INPP4B: variants seen among roughly 807,000 people sequenced by gnomAD.
INPP4B encodes the protein inositol polyphosphate-4-phosphatase type II B.
INPP4B carries 55 observed loss-of-function variants against 122.5 expected under a neutral mutation model. The ratio of observed to expected loss-of-function variants is 0.45; its 90% CI spans 0.36 to 0.56. The LOEUF is 0.56. Among genes scored for constraint, INPP4B ranks in the 20% least tolerant of loss-of-function variants. INPP4B has a pLI of 0.00. For missense variants in INPP4B, 1,000 were observed against 1,097.7 expected (o/e 0.91, Z 1.26); for synonymous variants, 403 against 388.7 (o/e 1.04, Z -0.43).
chr4:142,455,717 G>C (rs1173802668), intron 3 of INPP4B, among the ~76,000 whole-genome samples: 1 of 151,894 alleles, frequency 6.6e-6, no homozygotes, highest in Non-Finnish European at 1.5e-5. Flanking sequence ...TTAGTCTTTT[G>C]AGGAAACACC....
At chr4:142,338,869 T>C (rs150760642) in intron 7 of INPP4B, among the ~76,000 whole-genome samples, 1,565 of 152,204 alleles carry the variant, frequency 0.01, 39 homozygotes, top group African/African-American at 0.036. Context: ...GCACGGGCTC[T>C]GTGAACTACC....
chr4:142,347,587 T>G (rs1025105738), intron 7 of INPP4B: 26 of 375,654 alleles, frequency 6.9e-5, no homozygotes, highest in African/African-American at 5.5e-4. Flanking sequence ...TTATTTTCAT[T>G]TAATTTCCAA....
intron 2 of INPP4B, among the ~76,000 whole-genome samples, chr4:142,543,025 A>G (rs780368168): frequency 1.3e-5 from 2 of 152,164 alleles, no homozygotes; most frequent in Non-Finnish European, 2.9e-5. Context: ...ATTAGTGAAA[A>G]CACCCTCTGG....
chr4:142,120,698 C>T (rs1369484989), intron 21 of INPP4B, among the ~76,000 whole-genome samples: 1 of 152,084 alleles, frequency 6.6e-6, no homozygotes, highest in Non-Finnish European at 1.5e-5. Context: ...GTGTTAATGG[C>T]CTTGCCCTAG....
At chr4:142,498,624 GA>G (rs1361396842) in intron 2 of INPP4B, among the ~76,000 whole-genome samples, 1 of 151,648 alleles carries the variant, frequency 6.6e-6, no homozygotes, top group East Asian at 2.0e-4. Flanking sequence ...CCCCATCTCT[GA>G]AAAAAACACA....
chr4:142,837,685 G>C (rs1280684164), intron 1 of INPP4B, among the ~76,000 whole-genome samples: 10 of 152,152 alleles, frequency 6.6e-5, no homozygotes, highest in Admixed American at 6.5e-4. Flanking sequence ...CCTCAATACT[G>C]GTGAGGATGG....
rs577782041 is a variant in INPP4B, at chr4:142,395,742, T to A, written c.372+7196A>T. On this transcript the variant is annotated intron_variant, in intron 7 of 25. Transcript: ENST00000262992. ...TAGCCTTAAAAAATAGGAAATCCCA[T>A]AATATGTGCCTGGATGAAACTTGAA... Among the ~76,000 whole-genome samples, 4 of 152,270 alleles carry A rather than the reference T, an allele frequency of 2.6e-5. No homozygotes were observed. The South Asian group carries it at 8.3e-4, about 32-fold the overall frequency.
In INPP4B at chr4:142,436,735, C is replaced by A. The variant is rs151118645; in HGVS notation, c.-126-5350G>T. Among the ~76,000 whole-genome samples the A allele has an allele frequency of 1.6e-3, 246 of 151,576 alleles. 1 individual carries two copies. Among genetic ancestry groups the A allele is most frequent in the African/African-American group, 5.8e-3 (241 of 41,320 alleles). On this transcript the variant is annotated intron_variant, in intron 3 of 25. Transcript: ENST00000262992. ...AAGAGCATCAACAAAAATGTCCCCA[C>A]AGAAACCTCATCCAAGTGTCAGCAG... is the stretch of plus-strand genomic sequence containing the variant.
At chr4:142,242,872 C>A (rs185933040) in intron 11 of INPP4B, among the ~76,000 whole-genome samples, 2 of 152,240 alleles carry the variant, frequency 1.3e-5, no homozygotes, top group African/African-American at 4.8e-5. Context: ...GGAATATGAG[C>A]TTTATGTGTG....
chr4:142,277,764 T>G (rs1367510649), intron 9 of INPP4B, among the ~76,000 whole-genome samples: 1 of 151,548 alleles, frequency 6.6e-6, no homozygotes, highest in Non-Finnish European at 1.5e-5. Context: ...TGCAGCAACC[T>G]GGATGGAATT....
chr4:142,400,058 A>G (rs1052140878), intron 7 of INPP4B, among the ~76,000 whole-genome samples: 2 of 152,240 alleles, frequency 1.3e-5, no homozygotes, highest in Non-Finnish European at 2.9e-5. Flanking sequence ...GAGCACAAGA[A>G]CAACTAGTTA....
chr4:142,172,153 T>TTC, intron 16 of INPP4B, among the ~76,000 whole-genome samples: 1 of 151,888 alleles, frequency 6.6e-6, no homozygotes, highest in Non-Finnish European at 1.5e-5. Context: ...TAACAAACAT[T>TTC]TTTAAAAAAA....
chr4:142,575,635 A>G (rs1733673798), intron 2 of INPP4B, among the ~76,000 whole-genome samples: 1 of 152,090 alleles, frequency 6.6e-6, no homozygotes, highest in African/African-American at 2.4e-5. Context: ...AGATAATGAG[A>G]TGAGTGTAAA....
Position 142,752,518 on chromosome 4 carries a change from TGGA to T in INPP4B, c.-253-26620_-253-26618del, listed in dbSNP as rs778978594. On this transcript the variant is annotated intron_variant, in intron 1 of 25. Transcript: ENST00000262992. ...CAAAAGTGAACACCCTGCTGGTTGC[TGGA>T]GGAGAAGAGGGAAGCTTTGTCCTTT... Among the ~76,000 whole-genome samples the T allele has an allele frequency of 3.3e-5, 5 of 152,102 alleles. No individual in the cohort carries two copies. The South Asian group carries it at 6.2e-4, about 19-fold the overall frequency.
intron 1 of INPP4B, among the ~76,000 whole-genome samples, chr4:142,796,672 T>G (rs994085639): frequency 6.6e-6 from 1 of 152,008 alleles, no homozygotes; most frequent in African/African-American, 2.4e-5. Context: ...TCCTCAGATT[T>G]AAATAATTGC....
chr4:142,498,858 T>G (rs1823000384), intron 2 of INPP4B, among the ~76,000 whole-genome samples: 1 of 152,068 alleles, frequency 6.6e-6, no homozygotes, highest in African/African-American at 2.4e-5. Context: ...GATTAAAAAA[T>G]TAAAAAGGAA....
intron 25 of INPP4B, among the ~76,000 whole-genome samples, chr4:142,046,021 A>G (rs1310882698): frequency 6.6e-6 from 1 of 151,730 alleles, no homozygotes; most frequent in Non-Finnish European, 1.5e-5. Context: ...GGGTGAGCAA[A>G]AGAAGGAGCA....
chr4:142,805,246 T>C (rs1778538722), intron 1 of INPP4B, among the ~76,000 whole-genome samples: 1 of 152,194 alleles, frequency 6.6e-6, no homozygotes, highest in African/African-American at 2.4e-5. Context: ...ACGTAAACAC[T>C]GGGGACATTC....
intron 2 of INPP4B, among the ~76,000 whole-genome samples, chr4:142,644,199 C>CA (rs375298753): frequency 1.1e-3 from 130 of 119,280 alleles, no homozygotes; most frequent in African/African-American, 2.0e-3. Context: ...GAGACTGTCT[C>CA]AAAAAAAAAA....
Sources: gnomAD v4.1 joint callset for allele counts (sites outside exome capture counted in the v4.1 genomes callset) on GRCh38, gnomAD v4.1.1 for gene constraint, MANE v1.5 for transcripts, NCBI Gene and HGNC (gene_info 2026-07-23, HGNC 2026-07-21) for gene names.